NXPE2: variants seen among roughly 807,000 people sequenced by gnomAD.
NXPE2 encodes the protein neurexophilin and PC-esterase domain family member 2.
Under a neutral mutation model 34.4 loss-of-function variants are expected in NXPE2, and 34 were observed. The observed-to-expected ratio is 0.99, with a 90% CI of 0.75 to 1.31. NXPE2 has a LOEUF of 1.31. Ranked by LOEUF, NXPE2 falls within the 40% of genes most tolerant of loss-of-function variation. The pLI is 0.00. For missense variants in NXPE2, 649 were observed against 672.5 expected, an observed-to-expected ratio of 0.97 and a Z score of 0.39; for synonymous variants, 235 against 231.3, an observed-to-expected ratio of 1.02 and a Z score of -0.15.
chr11:114,466,363 A>T, the NXPE2 span, among the ~76,000 whole-genome samples: 1 of 152,186 alleles, frequency 6.6e-6, no homozygotes, highest in Non-Finnish European at 1.5e-5. Flanking sequence ...GATATTACAG[A>T]ATAGACTATG....
the NXPE2 span, among the ~76,000 whole-genome samples, chr11:114,621,418 A>T: frequency 6.6e-6 from 1 of 152,128 alleles, no homozygotes; most frequent in African/African-American, 2.4e-5. Flanking sequence ...CCCTGTGGAT[A>T]ATAAGTATTG....
the NXPE2 span, among the ~76,000 whole-genome samples, chr11:114,554,841 G>A: frequency 1.3e-5 from 2 of 152,022 alleles, no homozygotes; most frequent in Admixed American, 1.3e-4. Context: ...TTCCCATTCA[G>A]GTTCACAGGC....
At chr11:114,681,651 A>G (rs2135532761) in intron 2 of NXPE2, among the ~76,000 whole-genome samples, 1 of 152,100 alleles carries the variant, frequency 6.6e-6, no homozygotes, top group African/African-American at 2.4e-5. Flanking sequence ...ACTCTGTTTG[A>G]TTTTTTTAAC....
the NXPE2 span, among the ~76,000 whole-genome samples, chr11:114,625,583 A>G: frequency 2.5e-3 from 374 of 152,292 alleles, no homozygotes; most frequent in African/African-American, 8.3e-3. Context: ...CCTCGTGGGT[A>G]ACCACTGTTA....
chr11:114,670,421 G>A, the NXPE2 span, among the ~76,000 whole-genome samples: 199 of 152,122 alleles, frequency 1.3e-3, no homozygotes, highest in African/African-American at 4.4e-3. Context: ...CAGGCCAAGC[G>A]CAGTGGCTCA....
At chr11:114,582,620 G>A in the NXPE2 span, 4 of 1,614,024 alleles carry the variant, frequency 2.5e-6, no homozygotes, top group South Asian at 4.4e-5. Context: ...ACAGAGTGAA[G>A]CTGACCAGGT....
chr11:114,654,748 C>T, the NXPE2 span, among the ~76,000 whole-genome samples: 16 of 152,204 alleles, frequency 1.1e-4, no homozygotes, highest in Non-Finnish European at 2.1e-4. Context: ...GGTTCCGTGT[C>T]ATTGCTATTG....
chr11:114,480,518 A>G, the NXPE2 span, among the ~76,000 whole-genome samples: 1 of 152,206 alleles, frequency 6.6e-6, no homozygotes, highest in Non-Finnish European at 1.5e-5. Context: ...GCTGGTGCAC[A>G]ACCAGAAGCA....
the NXPE2 span, among the ~76,000 whole-genome samples, chr11:114,497,617 C>A: frequency 2.6e-5 from 4 of 152,158 alleles, no homozygotes; most frequent in African/African-American, 9.7e-5. Flanking sequence ...TATCATATAG[C>A]CTAGGTGTGT....
At chr11:114,609,719 T>C in the NXPE2 span, among the ~76,000 whole-genome samples, 1 of 151,780 alleles carries the variant, frequency 6.6e-6, no homozygotes, top group South Asian at 2.1e-4. Context: ...CGGTGGATAA[T>C]AAGTATTGCC....
chr11:114,613,457 C>G, the NXPE2 span, among the ~76,000 whole-genome samples: 1 of 151,820 alleles, frequency 6.6e-6, no homozygotes, highest in African/African-American at 2.4e-5. Context: ...ACCACTGTTA[C>G]CTGCTGCATA....
chr11:114,530,207 A>T, the NXPE2 span: 3 of 1,611,854 alleles, frequency 1.9e-6, no homozygotes, highest in South Asian at 1.1e-5. Context: ...TGTCTGTAAG[A>T]TAAGATACCT....
the NXPE2 span, among the ~76,000 whole-genome samples, chr11:114,492,393 T>C: frequency 6.6e-6 from 1 of 152,090 alleles, no homozygotes; most frequent in Non-Finnish European, 1.5e-5. Context: ...TTTAAAGGCT[T>C]TTTTGTGGCC....
chr11:114,651,241 G>C, the NXPE2 span, among the ~76,000 whole-genome samples: 1 of 152,032 alleles, frequency 6.6e-6, no homozygotes, highest in African/African-American at 2.4e-5. Context: ...TCTTCCTTCA[G>C]ATGTTCAGAT....
the NXPE2 span, among the ~76,000 whole-genome samples, chr11:114,672,682 C>T: frequency 6.6e-5 from 10 of 151,850 alleles, no homozygotes; most frequent in African/African-American, 1.2e-4. Flanking sequence ...ACAAAATAGA[C>T]TTTAAAAGCC....
the NXPE2 span, among the ~76,000 whole-genome samples, chr11:114,515,517 G>GAA: frequency 3.3e-5 from 5 of 152,166 alleles, no homozygotes; most frequent in Admixed American, 3.3e-4. Flanking sequence ...GTGTAGCAGA[G>GAA]AAAATAGTTC....
chr11:114,535,781 G>A, the NXPE2 span, among the ~76,000 whole-genome samples: 7 of 152,230 alleles, frequency 4.6e-5, no homozygotes, highest in Non-Finnish European at 1.0e-4. Flanking sequence ...GATTCATAAA[G>A]CAAGTCCTTA....
chr11:114,491,022 C>A, the NXPE2 span, among the ~76,000 whole-genome samples: 1 of 149,670 alleles, frequency 6.7e-6, no homozygotes, highest in African/African-American at 2.5e-5. Context: ...ATTAGCCGGG[C>A]GCGGTGGCGG....
the NXPE2 span, among the ~76,000 whole-genome samples, chr11:114,475,226 GTTTTTTTTTTT>G: frequency 5.7e-5 from 5 of 88,070 alleles, no homozygotes; most frequent in South Asian, 4.0e-4. Context: ...AATGTGAACT[GTTTTTTTTTTT>G]TTTTTTTTTT....
Sources: gnomAD v4.1 joint callset for allele counts (sites outside exome capture counted in the v4.1 genomes callset) on GRCh38, gnomAD v4.1.1 for gene constraint, MANE v1.5 for transcripts, NCBI Gene and HGNC (gene_info 2026-07-23, HGNC 2026-07-21) for gene names.